SNTB2: variants seen among roughly 807,000 people sequenced by gnomAD.
SNTB2 encodes the protein syntrophin beta 2.
Under a neutral mutation model 46.2 loss-of-function variants are expected in SNTB2, and 34 were observed. The observed-to-expected ratio is 0.74, with a 90% CI of 0.56 to 0.98. The LOEUF (loss-of-function observed/expected upper bound fraction) is 0.98, where lower values mean the gene tolerates loss of function less well. Among genes scored for constraint, SNTB2 ranks in the 50% least tolerant of loss-of-function variants. The probability of loss-of-function intolerance (pLI) is 0.00; values close to 1 mark genes in which losing one functional copy is unlikely to be tolerated. For synonymous variants in SNTB2, 290 were observed against 312.6 expected (o/e 0.93, Z 0.76); for missense variants, 603 against 731.4 (o/e 0.82, Z 2.02).
At chr16:69,217,405 T>C (rs1477247616) in intron 1 of SNTB2, among the ~76,000 whole-genome samples, 1 of 152,054 alleles carries the variant, frequency 6.6e-6, no homozygotes, top group African/African-American at 2.4e-5. Context: ...ACCCAGGACA[T>C]TGAGGCTGTA....
intron 2 of SNTB2, among the ~76,000 whole-genome samples, chr16:69,246,288 T>C (rs972821905): frequency 6.6e-6 from 1 of 152,190 alleles, no homozygotes; most frequent in African/African-American, 2.4e-5. Flanking sequence ...TGAATTTTGT[T>C]GAAGGCTTTT....
intron 1 of SNTB2, among the ~76,000 whole-genome samples, chr16:69,243,327 A>G (rs1392936133): frequency 6.6e-6 from 1 of 152,184 alleles, no homozygotes; most frequent in Non-Finnish European, 1.5e-5. Flanking sequence ...ACAGATGTCC[A>G]TCCACAGCTC....
chr16:69,237,523 A>G (rs1964569256), intron 1 of SNTB2, among the ~76,000 whole-genome samples: 1 of 152,030 alleles, frequency 6.6e-6, no homozygotes, highest in Non-Finnish European at 1.5e-5. Flanking sequence ...TCATCAGGTC[A>G]AGGGAGTGCT....
intron 3 of SNTB2, among the ~76,000 whole-genome samples, chr16:69,265,776 G>A (rs575499494): frequency 3.0e-3 from 453 of 150,304 alleles, no homozygotes; most frequent in Middle Eastern, 6.9e-3. Context: ...GCAGTGAGCC[G>A]AGATTGCACC....
chr16:69,277,172 A>G (rs1273835102), intron 4 of SNTB2, among the ~76,000 whole-genome samples: 2 of 152,228 alleles, frequency 1.3e-5, no homozygotes, highest in Non-Finnish European at 2.9e-5. Flanking sequence ...CATCACCAAA[A>G]TGAGTCTGTA....
intron 4 of SNTB2, among the ~76,000 whole-genome samples, chr16:69,281,436 G>A (rs767025902): frequency 8.0e-5 from 12 of 149,510 alleles, no homozygotes; most frequent in Non-Finnish European, 1.5e-5. Flanking sequence ...TTACACTTAG[G>A]TCAAAGATCC....
intron 6 of SNTB2, among the ~76,000 whole-genome samples, chr16:69,300,401 C>T (rs1338129869): frequency 2.0e-5 from 3 of 152,152 alleles, no homozygotes; most frequent in Admixed American, 6.5e-5. Context: ...CATGCACGTG[C>T]CACCATGCCT....
intron 1 of SNTB2, among the ~76,000 whole-genome samples, chr16:69,236,816 G>T (rs1964564403): frequency 6.6e-6 from 1 of 152,168 alleles, no homozygotes; most frequent in African/African-American, 2.4e-5. Context: ...ATTAGATGTA[G>T]CGGGTAGGGA....
intron 2 of SNTB2, among the ~76,000 whole-genome samples, chr16:69,254,573 A>T (rs2143071328): frequency 6.6e-6 from 1 of 152,348 alleles, no homozygotes; most frequent in African/African-American, 2.4e-5. Context: ...GAACCTCTTT[A>T]AAATTTAAAA....
At chr16:69,249,501 A>G (rs537811157) in intron 2 of SNTB2, among the ~76,000 whole-genome samples, 1 of 152,346 alleles carries the variant, frequency 6.6e-6, no homozygotes, top group Non-Finnish European at 1.5e-5. Flanking sequence ...CTACTTCGTC[A>G]TTCACTAAGG....
intron 1 of SNTB2, among the ~76,000 whole-genome samples, chr16:69,226,461 G>A (rs140523223): frequency 6.6e-6 from 1 of 151,758 alleles, no homozygotes; most frequent in African/African-American, 2.4e-5. Flanking sequence ...GGGTTCCTGA[G>A]GCAAGGACTG....
At chr16:69,295,084 G>A (rs1327426035) in intron 5 of SNTB2, among the ~76,000 whole-genome samples, 1 of 151,900 alleles carries the variant, frequency 6.6e-6, no homozygotes, top group Non-Finnish European at 1.5e-5. Flanking sequence ...GCCTCCCAAA[G>A]TACTAGGATT....
At chr16:69,293,867 G>A (rs1486821365) in intron 5 of SNTB2, among the ~76,000 whole-genome samples, 2 of 152,144 alleles carry the variant, frequency 1.3e-5, no homozygotes, top group Non-Finnish European at 2.9e-5. Context: ...AATAACGGAG[G>A]GAGATGTAGA....
intron 5 of SNTB2, 73 bp from the exon 6 acceptor site, chr16:69,299,517 C>T: frequency 2.8e-6 from 4 of 1,431,134 alleles, no homozygotes; most frequent in Non-Finnish European, 3.9e-6. Flanking sequence ...ATTTTGAAGT[C>T]AGAAGATTCC....
chr16:69,258,068 G>A (rs964943513), intron 2 of SNTB2, among the ~76,000 whole-genome samples: 1 of 152,238 alleles, frequency 6.6e-6, no homozygotes, highest in African/African-American at 2.4e-5. Flanking sequence ...GAGCTTCAAA[G>A]CAGAAATGCT....
Position 69,260,030 on chromosome 16 carries a change from T to TTTTTTC in SNTB2, c.795-13_795-8dup. On this transcript the variant is annotated intron_variant, in intron 2 of 6. Coordinates refer to ENST00000336278, the MANE Select transcript of SNTB2 (RefSeq NM_006750.4). ...GACTTCTGTCCTAGCTCACTTTTTTTTTTTTCTTTTTCCACACAGATTGAT... is the reference window on the plus strand; with the variant it reads ...GACTTCTGTCCTAGCTCACTTTTTTTTTTTTCTTTTTCTTTTTCCACACAGATTGAT... 6.2e-7 allele frequency: 1 copy of TTTTTTC among 1,606,258 alleles called. No homozygotes were observed. The highest frequency in any genetic ancestry group is 8.5e-7 in the Non-Finnish European group (1 of 1,173,226).
chr16:69,235,983 A>G, intron 1 of SNTB2: 1 of 658,370 alleles, frequency 1.5e-6, no homozygotes, highest in African/African-American at 1.9e-5. Flanking sequence ...ATAGAGGTGG[A>G]ATTTGAGATG....
chr16:69,196,577 A>G (rs951349421), intron 1 of SNTB2, among the ~76,000 whole-genome samples: 14 of 151,794 alleles, frequency 9.2e-5, no homozygotes, highest in African/African-American at 2.9e-4. Context: ...GTTTCACCAT[A>G]TTGGTCAGGC....
At chr16:69,217,524 G>A (rs543576088) in intron 1 of SNTB2, among the ~76,000 whole-genome samples, 2 of 152,276 alleles carry the variant, frequency 1.3e-5, no homozygotes, top group Admixed American at 6.5e-5. Context: ...CATAACTGGT[G>A]AGACTTTTGT....
Sources: allele counts gnomAD v4.1 joint callset (sites outside exome capture counted in the v4.1 genomes callset), GRCh38; gene constraint gnomAD v4.1.1; transcripts MANE v1.5; gene names NCBI Gene and HGNC (gene_info 2026-07-23, HGNC 2026-07-21).